RBFOX1: variants seen among roughly 807,000 people sequenced by gnomAD.
RBFOX1 encodes RNA binding protein fox-1 homolog 1.
Under a neutral mutation model 57.7 loss-of-function variants are expected in RBFOX1, and 8 were observed. The observed-to-expected ratio is 0.14, with a 90% CI of 0.08 to 0.25. The LOEUF is 0.25. RBFOX1 is among the 10% of genes least tolerant of loss of function. The pLI is 1.00. For missense variants in RBFOX1, 611 were observed against 548.5 expected (o/e 1.11, Z -1.14); for synonymous variants, 326 against 222.4 (o/e 1.47, Z -4.15).
Position 7,327,830 on chromosome 16 carries a change from G to C in RBFOX1, c.28-190317G>C, listed in dbSNP as rs139964702. 4.9e-3 allele frequency among the ~76,000 whole-genome samples: 728 copies of C among 149,364 alleles called. 5 individuals are homozygous for C. The highest frequency in any genetic ancestry group is 0.017 in the African/African-American group (700 of 40,290). On this transcript the variant is annotated intron_variant, in intron 4 of 15. Transcript: ENST00000550418. ...AATATTACCTTTTTTTTTTTACACT[G>C]TGCAGACAAATCATTATCATGATCA...
rs71145238 is a variant in RBFOX1 at position 6,506,624 on chromosome 16, ATTTTTTTTTT to A, written c.-63-147947_-63-147938del. 2.9e-4 allele frequency among the ~76,000 whole-genome samples: 29 copies of A among 98,456 alleles called. 1 individual carries two copies. Among genetic ancestry groups the A allele is most frequent in the African/African-American group, 1.1e-3 (26 of 22,972 alleles). 64.6% of individuals were successfully genotyped at this position (98,456 alleles called of 152,430 possible). A position where few individuals can be genotyped will look rare whatever the true frequency, so the allele number is the denominator to read the frequency against. On this transcript the variant is annotated intron_variant, in intron 2 of 15. Transcript: ENST00000550418. ...ACGGTAATAACAATCACAGTAGCTAATTTTTTTTTTTTTTTTTTTTTTTTTTTTTTTTTTT... is the reference window on the plus strand; with the variant it reads ...ACGGTAATAACAATCACAGTAGCTAATTTTTTTTTTTTTTTTTTTTTTTTT...
At chr16:7,543,076 A>G (rs1421368109) in intron 5 of RBFOX1, among the ~76,000 whole-genome samples, 5 of 152,136 alleles carry the variant, frequency 3.3e-5, no homozygotes, top group African/African-American at 1.2e-4. Flanking sequence ...GGTTAGGTGG[A>G]CCAAGCATGG....
At chr16:7,379,510 T>A (rs1265783746) in intron 4 of RBFOX1, among the ~76,000 whole-genome samples, 1 of 152,156 alleles carries the variant, frequency 6.6e-6, no homozygotes, top group Non-Finnish European at 1.5e-5. Flanking sequence ...TACTAAAAAA[T>A]TTAAAATACA....
intron 3 of RBFOX1, among the ~76,000 whole-genome samples, chr16:5,847,808 A>C (rs999524308): frequency 6.6e-6 from 1 of 152,122 alleles, no homozygotes; most frequent in African/African-American, 2.4e-5. Context: ...AGTCAATGAA[A>C]TGAAGACTGT....
intron 3 of RBFOX1, among the ~76,000 whole-genome samples, chr16:6,966,665 G>C (rs373190649): frequency 2.0e-5 from 3 of 152,206 alleles, no homozygotes; most frequent in African/African-American, 4.8e-5. Flanking sequence ...TTAGGCATGA[G>C]ATAGTGCAAG....
chr16:5,541,954 T>A (rs1205225555), intron 2 of RBFOX1, among the ~76,000 whole-genome samples: 1 of 152,144 alleles, frequency 6.6e-6, no homozygotes, highest in East Asian at 1.9e-4. Flanking sequence ...GAATAATTTC[T>A]TTAGTGGTGA....
At chr16:6,310,044 C>T (rs568792109) in intron 1 of RBFOX1, among the ~76,000 whole-genome samples, 5 of 152,246 alleles carry the variant, frequency 3.3e-5, no homozygotes, top group Admixed American at 6.5e-5. Flanking sequence ...CCTGCCACCA[C>T]GCCCAGCTAA....
intron 2 of RBFOX1, among the ~76,000 whole-genome samples, chr16:5,531,216 A>G (rs2044465271): frequency 2.0e-5 from 3 of 152,178 alleles, no homozygotes; most frequent in African/African-American, 7.2e-5. Flanking sequence ...GTTGTTCGTC[A>G]GCCCACCTCA....
At chr16:6,697,593 G>T (rs969500060) in intron 3 of RBFOX1, among the ~76,000 whole-genome samples, 4 of 152,186 alleles carry the variant, frequency 2.6e-5, no homozygotes, top group African/African-American at 9.7e-5. Flanking sequence ...CCTGGAACTG[G>T]TTTCTGTGTT....
intron 4 of RBFOX1, among the ~76,000 whole-genome samples, chr16:7,289,815 A>G (rs1349669276): frequency 6.6e-6 from 1 of 152,220 alleles, no homozygotes; most frequent in African/African-American, 2.4e-5. Flanking sequence ...TCACTTATAA[A>G]TAAGGATCCA....
chr16:6,756,297 T>C (rs754864307), intron 3 of RBFOX1, among the ~76,000 whole-genome samples: 1 of 152,166 alleles, frequency 6.6e-6, no homozygotes. Context: ...CAAGACCCTA[T>C]TTCTTACCGT....
intron 1 of RBFOX1, among the ~76,000 whole-genome samples, chr16:6,135,967 G>T (rs565434334): frequency 6.6e-6 from 1 of 151,710 alleles, no homozygotes; most frequent in Admixed American, 6.6e-5. Context: ...GCTAATTTTT[G>T]TATTTTTAGT....
intron 5 of RBFOX1, among the ~76,000 whole-genome samples, chr16:7,547,724 G>A (rs2152520791): frequency 6.6e-6 from 1 of 152,268 alleles, no homozygotes; most frequent in East Asian, 1.9e-4. Flanking sequence ...CAGGCACCTT[G>A]CTCCTACCAT....
At chr16:6,976,042 G>C (rs2086758553) in intron 3 of RBFOX1, among the ~76,000 whole-genome samples, 1 of 152,112 alleles carries the variant, frequency 6.6e-6, no homozygotes, top group South Asian at 2.1e-4. Context: ...GAAGTGAATT[G>C]CTTGAACCCA....
At position 5,999,011 on chromosome 16, in the gene RBFOX1, C is replaced by G. The variant is rs1021669358; in HGVS notation, c.351+131676C>G. Among the ~76,000 whole-genome samples, 95 of 152,124 alleles carry G rather than the reference C, an allele frequency of 6.2e-4. 2 individuals carry two copies. The highest frequency in any genetic ancestry group is 1.9e-3 in the African/African-American group (80 of 41,426). ...ATGAACTGTTATGGGAAACATTTAT[C>G]CTGAATCATCTGAACACTCCATTAA... On this transcript the variant is annotated intron_variant, in intron 4 of 19. Coordinates refer to the RBFOX1 transcript ENST00000641259.
intron 2 of RBFOX1, among the ~76,000 whole-genome samples, chr16:6,431,961 CTT>C (rs1270873621): frequency 1.8e-5 from 2 of 108,710 alleles, no homozygotes. Flanking sequence ...TTCTTTCTTT[CTT>C]TTTCTTTTTT....
intron 1 of RBFOX1, among the ~76,000 whole-genome samples, chr16:6,121,186 G>A (rs1439268229): frequency 6.6e-6 from 1 of 152,164 alleles, no homozygotes; most frequent in Non-Finnish European, 1.5e-5. Flanking sequence ...ATGCACTGCA[G>A]GTTTATGGGA....
At chr16:5,597,388 T>C (rs4786730) in intron 2 of RBFOX1, among the ~76,000 whole-genome samples, 133,738 of 144,742 alleles carry the variant, frequency 0.92, 62,050 homozygotes, top group East Asian at 1. Flanking sequence ...AGGCCAAAGC[T>C]TGCTGACTTT....
At chr16:5,943,791 A>G (rs980913229) in intron 4 of RBFOX1, among the ~76,000 whole-genome samples, 2 of 152,074 alleles carry the variant, frequency 1.3e-5, no homozygotes, top group South Asian at 2.1e-4. Flanking sequence ...TCACCCATTA[A>G]TTTATCTATT....
Sources: gnomAD v4.1 joint callset for allele counts (sites outside exome capture counted in the v4.1 genomes callset) on GRCh38, gnomAD v4.1.1 for gene constraint, MANE v1.5 for transcripts, NCBI Gene and HGNC (gene_info 2026-07-23, HGNC 2026-07-21) for gene names.